The following IL1RAPL1 variants were observed in gnomAD, a reference collection of about 807,000 sequenced individuals.
IL1RAPL1 encodes the protein interleukin-1 receptor accessory protein-like 1.
A neutral mutation model predicts 48.4 loss-of-function variants in IL1RAPL1; 3 were observed. The ratio of observed to expected loss-of-function variants is 0.06; its 90% CI spans 0.03 to 0.16. The LOEUF (loss-of-function observed/expected upper bound fraction) is 0.16, where lower values mean the gene tolerates loss of function less well. Ranked by LOEUF, IL1RAPL1 falls within the 10% of genes least tolerant of loss-of-function variation. The pLI is 1.00. For synonymous variants in IL1RAPL1, 185 were observed against 187.7 expected (o/e 0.99, Z 0.12); for missense variants, 349 against 530.6 (o/e 0.66, Z 3.36).
At chrX:28,923,465 G>A (rs1380368596) in intron 2 of IL1RAPL1, among the ~76,000 whole-genome samples, 9 of 111,322 alleles carry the variant, frequency 8.1e-5, no homozygotes, top group Non-Finnish European at 7.5e-5. Context: ...GTGAGCTATC[G>A]TGCCCAGCCT....
At chrX:29,334,163 T>A (rs1472936239) in intron 3 of IL1RAPL1, among the ~76,000 whole-genome samples, 183 of 30,541 alleles carry the variant, frequency 6.0e-3, no homozygotes, top group African/African-American at 7.4e-3. Context: ...GAGGCGCCCC[T>A]CACCTCCCGG....
At chrX:29,767,970 CCA>C (rs766341246) in intron 6 of IL1RAPL1, among the ~76,000 whole-genome samples, 2 of 111,354 alleles carry the variant, frequency 1.8e-5, no homozygotes, top group African/African-American at 3.3e-5. Context: ...AAAAAATCCT[CCA>C]TTATGTTTAT....
rs112373612 is a variant in IL1RAPL1 at position 28,667,468 on chromosome X, C to A, written c.-25+79421C>A. On this transcript the variant is annotated intron_variant, in intron 1 of 10. Transcript: ENST00000378993. ...CTACAGCTGCCTGCCTGATTTGGAT[C>A]TTGTGCCCTAATCCTAGTAACTGGA... Among the ~76,000 whole-genome samples, 669 of 112,231 alleles carry A rather than the reference C, an allele frequency of 6.0e-3. 3 individuals are homozygous for A. The highest frequency in any genetic ancestry group is 0.02 in the African/African-American group (633 of 30,909).
chrX:29,252,214 A>G (rs1381093113), intron 2 of IL1RAPL1, among the ~76,000 whole-genome samples: 1 of 112,276 alleles, frequency 8.9e-6, no homozygotes, highest in Admixed American at 9.2e-5. Context: ...ATGTATACAT[A>G]TGTAACTAAC....
intron 1 of IL1RAPL1, among the ~76,000 whole-genome samples, chrX:28,720,020 C>T (rs774259612): frequency 9.0e-6 from 1 of 110,895 alleles, no homozygotes; most frequent in African/African-American, 3.3e-5. Flanking sequence ...AAAAGAAATT[C>T]GTAGAGAAAA....
intron 3 of IL1RAPL1, among the ~76,000 whole-genome samples, chrX:29,300,724 G>T (rs1330358555): frequency 3.6e-5 from 4 of 112,052 alleles, no homozygotes. Context: ...TAAAAATGTT[G>T]TTCTAGTTTC....
chrX:29,536,408 C>T (rs1456309723), intron 5 of IL1RAPL1, among the ~76,000 whole-genome samples: 1 of 111,746 alleles, frequency 8.9e-6, no homozygotes, highest in Non-Finnish European at 1.9e-5. Flanking sequence ...AAACATTACA[C>T]TGCATTGAGG....
intron 2 of IL1RAPL1, among the ~76,000 whole-genome samples, chrX:28,897,294 G>T (rs137929662): frequency 0.013 from 1,434 of 111,206 alleles, 22 homozygotes; most frequent in African/African-American, 0.044. Context: ...TCCCTGCGTG[G>T]CCAGAGACCT....
At chrX:28,645,576 T>C (rs1428210202) in intron 1 of IL1RAPL1, among the ~76,000 whole-genome samples, 1 of 109,668 alleles carries the variant, frequency 9.1e-6, no homozygotes, top group Non-Finnish European at 1.9e-5. Context: ...TGACCTAAAG[T>C]GACATAATAA....
At chrX:29,687,915 A>G (rs1926672649) in intron 6 of IL1RAPL1, among the ~76,000 whole-genome samples, 1 of 111,656 alleles carries the variant, frequency 9.0e-6, no homozygotes, top group South Asian at 3.8e-4. Context: ...GGGTGATCTC[A>G]TCAGAAAGGC....
At chrX:29,732,714 T>C (rs750586880) in intron 6 of IL1RAPL1, among the ~76,000 whole-genome samples, 1 of 112,088 alleles carries the variant, frequency 8.9e-6, no homozygotes, top group Admixed American at 9.5e-5. Flanking sequence ...TCTTTATGAA[T>C]ACTTTTTGGA....
At chrX:29,020,749 C>T (rs777653118) in intron 2 of IL1RAPL1, among the ~76,000 whole-genome samples, 10 of 111,196 alleles carry the variant, frequency 9.0e-5, no homozygotes. Context: ...TAGGAGGGCT[C>T]TAGAGGAAAG....
chrX:29,668,396 A>G (rs749222210), intron 5 of IL1RAPL1, 34 bp from the exon 6 acceptor site: 2 of 1,091,428 alleles, frequency 1.8e-6, no homozygotes, highest in Non-Finnish European at 2.5e-6. Flanking sequence ...GCATAACTAT[A>G]AGTCTCTGTA....
At chrX:28,703,807 A>G (rs1935329580) in intron 1 of IL1RAPL1, among the ~76,000 whole-genome samples, 1 of 112,011 alleles carries the variant, frequency 8.9e-6, no homozygotes, top group Non-Finnish European at 1.9e-5. Flanking sequence ...TGCTTCTGGA[A>G]TACTATCTTT....
At chrX:29,381,525 A>AAAAAAAAAAAAAAAAAC (rs1569298983) in intron 3 of IL1RAPL1, among the ~76,000 whole-genome samples, 1 of 95,912 alleles carries the variant, frequency 1.0e-5, no homozygotes, top group Non-Finnish European at 2.1e-5. Context: ...AAAAAAAAAA[A>AAAAAAAAAAAAAAAAAC]AAAACTTAGC....
intron 2 of IL1RAPL1, among the ~76,000 whole-genome samples, chrX:29,092,615 C>T (rs775120429): frequency 9.0e-6 from 1 of 111,201 alleles, no homozygotes; most frequent in East Asian, 2.8e-4. Flanking sequence ...GATCATAATA[C>T]TACTGTTTTA....
chrX:29,205,614 G>C (rs1930647558), intron 2 of IL1RAPL1, among the ~76,000 whole-genome samples: 1 of 111,951 alleles, frequency 8.9e-6, no homozygotes, highest in Non-Finnish European at 1.9e-5. Flanking sequence ...GGGCATTATA[G>C]TAATAGGTAT....
At position 29,363,919 on chromosome X, in the gene IL1RAPL1, A is replaced by G. The variant is rs1217038165; in HGVS notation, c.363-32339A>G. ...TGTGACATAAGATTTGGGTGGGGAC[A>G]AAGATCCAAACCATACCAGGAGTGA... On this transcript the variant is annotated intron_variant, in intron 3 of 10. Transcript: ENST00000378993. 2.7e-5 allele frequency among the ~76,000 whole-genome samples: 3 copies of G among 111,754 alleles called. No homozygotes were observed. In the Admixed American group the frequency reaches 2.9e-4, roughly 11 times the overall value.
At chrX:29,445,077 C>T (rs780943378) in intron 5 of IL1RAPL1, among the ~76,000 whole-genome samples, 7 of 112,507 alleles carry the variant, frequency 6.2e-5, no homozygotes, top group African/African-American at 1.3e-4. Context: ...TGCACAGTTA[C>T]TGCCCACTTT....
Sources: gnomAD v4.1 joint callset for allele counts (sites outside exome capture counted in the v4.1 genomes callset) on GRCh38, gnomAD v4.1.1 for gene constraint, MANE v1.5 for transcripts, NCBI Gene and HGNC (gene_info 2026-07-23, HGNC 2026-07-21) for gene names.